The following OXSR1 variants were observed in gnomAD, a reference collection of about 807,000 sequenced individuals.
OXSR1 encodes the protein serine/threonine-protein kinase OSR1.
Under a neutral mutation model 79.8 loss-of-function variants are expected in OXSR1, and 24 were observed. The observed-to-expected ratio is 0.30, with a 90% CI of 0.22 to 0.42. OXSR1 has a LOEUF of 0.42. OXSR1 is among the 10% of genes least tolerant of loss of function. The probability of loss-of-function intolerance (pLI) is 1.00; values close to 1 mark genes in which losing one functional copy is unlikely to be tolerated. For missense variants in OXSR1, 430 were observed against 618.4 expected (o/e 0.70, Z 3.23); for synonymous variants, 226 against 209.2 (o/e 1.08, Z -0.69).
At chr3:38,174,160 G>T (rs1701635465) in intron 1 of OXSR1, among the ~76,000 whole-genome samples, 1 of 152,162 alleles carries the variant, frequency 6.6e-6, no homozygotes, top group Non-Finnish European at 1.5e-5. Flanking sequence ...AAGGTAAGGT[G>T]GTATGGATGC....
rs563131167 is a variant in OXSR1, at chr3:38,236,618, C to T, written c.952-221C>T. ...TAAAAAGGATTTTGATGTTTGGGCT[C>T]AGAGTATAGAAGTACAGCGGTTGTT... On this transcript the variant is annotated intron_variant, in intron 10 of 17. Transcript: ENST00000311806. 12 of 319,910 alleles carry T rather than the reference C, an allele frequency of 3.8e-5. No individual in the cohort carries two copies. In the East Asian group the frequency reaches 5.8e-4, roughly 15 times the overall value. 19.8% of individuals were successfully genotyped at this position (319,910 alleles called of 1,614,324 possible).
At chr3:38,225,763 A>G (rs1483963004) in intron 8 of OXSR1, among the ~76,000 whole-genome samples, 3 of 152,174 alleles carry the variant, frequency 2.0e-5, no homozygotes, top group Non-Finnish European at 4.4e-5. Flanking sequence ...AATATTGTGA[A>G]CTAATCCCAT....
At position 38,197,287 on chromosome 3, in the gene OXSR1, C is replaced by T. The variant is rs376614900; in HGVS notation, c.293-1435C>T. On this transcript the variant is annotated intron_variant, in intron 3 of 17. Coordinates refer to ENST00000311806, the MANE Select transcript of OXSR1 (RefSeq NM_005109.3). ...CTTCAGAGAATAAACTGCCTATCTC[C>T]TATTGGAGGTGAAGAGTTAGTAGGC... 9.4e-4 allele frequency among the ~76,000 whole-genome samples: 143 copies of T among 152,306 alleles called. 4 individuals carry two copies. In the South Asian group the frequency reaches 0.029, roughly 30 times the overall value.
chr3:38,177,629 GGCTGGAGT>G (rs1319493771), intron 1 of OXSR1, among the ~76,000 whole-genome samples: 1 of 151,916 alleles, frequency 6.6e-6, no homozygotes, highest in Non-Finnish European at 1.5e-5. Flanking sequence ...CTTTCACCCA[GGCTGGAGT>G]GCAGTGGTGT....
chr3:38,216,052 G>A, intron 4 of OXSR1, 44 bp from the exon 5 acceptor site: 1 of 1,206,554 alleles, frequency 8.3e-7, no homozygotes, highest in Non-Finnish European at 1.2e-6. Flanking sequence ...TTACTCCAAA[G>A]AATAGATGTT....
At chr3:38,220,803 G>A (rs1243996360) in intron 5 of OXSR1, among the ~76,000 whole-genome samples, 1 of 152,130 alleles carries the variant, frequency 6.6e-6, no homozygotes, top group Non-Finnish European at 1.5e-5. Context: ...CTCAAATCAG[G>A]TATGCCCAGG....
chr3:38,231,361 C>T (rs1332899603), intron 10 of OXSR1, among the ~76,000 whole-genome samples: 1 of 151,810 alleles, frequency 6.6e-6, no homozygotes, highest in Non-Finnish European at 1.5e-5. Flanking sequence ...GAAACATGGA[C>T]AATGTCATCC....
chr3:38,176,428 T>G (rs772424418), intron 1 of OXSR1, among the ~76,000 whole-genome samples: 1 of 152,244 alleles, frequency 6.6e-6, no homozygotes, highest in Non-Finnish European at 1.5e-5. Context: ...GAAGTAAATT[T>G]TTTTCTAATG....
At chr3:38,214,813 A>G (rs1474511465) in intron 4 of OXSR1, among the ~76,000 whole-genome samples, 1 of 152,212 alleles carries the variant, frequency 6.6e-6, no homozygotes, top group Non-Finnish European at 1.5e-5. Context: ...GCTTCTGCAC[A>G]CAGTTGTGAA....
chr3:38,202,471 C>A (rs777716420), intron 4 of OXSR1, among the ~76,000 whole-genome samples: 1 of 152,142 alleles, frequency 6.6e-6, no homozygotes, highest in Non-Finnish European at 1.5e-5. Context: ...GCTCAAACTC[C>A]TGAGCTCAAG....
intron 1 of OXSR1, among the ~76,000 whole-genome samples, chr3:38,178,938 A>T (rs1701728935): frequency 6.6e-6 from 1 of 151,044 alleles, no homozygotes. Context: ...ATCATGGCCC[A>T]CTGCAGCCTC....
intron 4 of OXSR1, among the ~76,000 whole-genome samples, chr3:38,201,586 T>A (rs1409128111): frequency 1.3e-5 from 2 of 152,078 alleles, no homozygotes; most frequent in Non-Finnish European, 2.9e-5. Context: ...GGTGGGTGCC[T>A]GTAGTCCTAG....
In OXSR1 at chr3:38,198,817, G is replaced by A. The variant is rs1702112041; in HGVS notation, c.388G>A (p.Val130Ile). Residue 130 changes from valine (V) to isoleucine (I), a missense_variant, in exon 4 of 18, where the codon GTA becomes ATA. Val to Ile is a conservative substitution (Grantham distance 29). Transcript: ENST00000311806. ...ESTIATILRE[V>I]LEGLEYLHKN... is the part of the protein sequence containing the mutation. ...TACCATTGCTACGATACTCCGAGAA[G>A]TACTGGAAGGGCTGGAATATCTGCA... 6.2e-7 allele frequency: 1 copy of A among 1,613,560 alleles called. No homozygotes were observed. Among genetic ancestry groups the A allele is most frequent in the Non-Finnish European group, 8.5e-7 (1 of 1,179,586 alleles).
intron 4 of OXSR1, among the ~76,000 whole-genome samples, chr3:38,214,422 A>G (rs80334676): frequency 0.036 from 5,500 of 152,292 alleles, 109 homozygotes; most frequent in Middle Eastern, 0.13. Flanking sequence ...AAATATGATC[A>G]TATAATACTC....
At position 38,236,904 on chromosome 3, in the gene OXSR1, T is replaced by C. The variant is rs746299066; in HGVS notation, c.1017T>C (p.Ser339=). 3 of 1,611,808 alleles carry C rather than the reference T, an allele frequency of 1.9e-6. No individual in the cohort carries two copies. Among genetic ancestry groups the C allele is most frequent in the African/African-American group, 1.3e-5 (1 of 74,776 alleles). ...HKTEDGGWEW[S]DDEFDEESEE... ...CAGAGGATGGAGGCTGGGAGTGGAGTGATGATGAATTTGATGAAGAAAGTG... is the reference window on the plus strand; with the variant it reads ...CAGAGGATGGAGGCTGGGAGTGGAGCGATGATGAATTTGATGAAGAAAGTG... Residue 339 remains serine, a synonymous_variant, in exon 11 of 18, where the codon AGT becomes AGC. Coordinates refer to ENST00000311806, the MANE Select transcript of OXSR1 (RefSeq NM_005109.3).
At position 38,254,760 on chromosome 3, in the gene OXSR1, A is replaced by T. The variant is rs1703329392; in HGVS notation, c.*1869A>T. The T allele has an allele frequency of 6.6e-6, 1 of 152,038 alleles. No homozygotes were observed. Among genetic ancestry groups the T allele is most frequent in the South Asian group, 2.1e-4 (1 of 4,806 alleles). The allele number at this position is 152,038 out of a possible 1,614,324, so 9.4% of individuals were successfully genotyped here. A position where few individuals can be genotyped will look rare whatever the true frequency, so the allele number is the denominator to read the frequency against. On this transcript the variant is annotated 3_prime_UTR_variant, in exon 18 of 18. Transcript: ENST00000311806. The stretch of plus-strand genomic sequence containing the variant: ...CCCATCAAAATCTACTTATTTATGA[A>T]TCCAAGGGGTGGCAGCATCACTCTG...
chr3:38,229,194 T>C (rs1559521508), intron 8 of OXSR1, among the ~76,000 whole-genome samples: 1 of 152,154 alleles, frequency 6.6e-6, no homozygotes, highest in African/African-American at 2.4e-5. Flanking sequence ...GATTGTGAAA[T>C]CTGTTTTTAG....
intron 2 of OXSR1, among the ~76,000 whole-genome samples, chr3:38,186,747 T>C (rs1489111865): frequency 1.3e-5 from 2 of 152,228 alleles, no homozygotes; most frequent in African/African-American, 4.8e-5. Flanking sequence ...TCTTGGCTTT[T>C]ATCAGTAATA....
Position 38,204,915 on chromosome 3 carries a change from G to A in OXSR1, c.434+6052G>A, listed in dbSNP as rs146267450. ...CAGGAATTGCATTCTTTGTAGCCTT[G>A]ACTGCCTTGCAAATTTATTTAGGAC... On this transcript the variant is annotated intron_variant, in intron 4 of 17. Transcript: ENST00000311806. Among the ~76,000 whole-genome samples, 1,191 of 152,226 alleles carry A rather than the reference G, an allele frequency of 7.8e-3. 7 individuals are homozygous for A. Among genetic ancestry groups the A allele is most frequent in the Non-Finnish European group, 0.011 (725 of 68,002 alleles).
Sources: gnomAD v4.1 joint callset for allele counts (sites outside exome capture counted in the v4.1 genomes callset) on GRCh38, gnomAD v4.1.1 for gene constraint, MANE v1.5 for transcripts, NCBI Gene and HGNC (gene_info 2026-07-23, HGNC 2026-07-21) for gene names.